Variants in EFHC2 observed in about 807,000 individuals in gnomAD.
The protein encoded by EFHC2 is EF-hand domain-containing family member C2.
Under a neutral mutation model 52.7 loss-of-function variants are expected in EFHC2, and 18 were observed. The observed-to-expected ratio is 0.34, with a 90% CI of 0.24 to 0.51. The LOEUF is 0.51. Among genes scored for constraint, EFHC2 ranks in the 20% least tolerant of loss-of-function variants. The pLI, the probability that EFHC2 is intolerant of heterozygous loss-of-function variation, is 0.97. For synonymous variants in EFHC2, 203 were observed against 204.1 expected (o/e 0.99, Z 0.04); for missense variants, 513 against 562.5 (o/e 0.91, Z 0.89).
chrX:44,239,413 T>C (rs2037344138), intron 8 of EFHC2, among the ~76,000 whole-genome samples: 1 of 112,437 alleles, frequency 8.9e-6, no homozygotes, highest in Admixed American at 9.4e-5. Flanking sequence ...CTAACTCTTA[T>C]GGAAGCAATA....
intron 2 of EFHC2, among the ~76,000 whole-genome samples, chrX:44,308,645 C>T (rs1481731684): frequency 9.0e-6 from 1 of 111,594 alleles, no homozygotes; most frequent in Non-Finnish European, 1.9e-5. Flanking sequence ...CTACCCAAGC[C>T]GCAGGATAAA....
chrX:44,212,329 G>A (rs1009532449), intron 11 of EFHC2, among the ~76,000 whole-genome samples: 2 of 111,982 alleles, frequency 1.8e-5, no homozygotes, highest in Non-Finnish European at 3.8e-5. Context: ...TTACCTCCAC[G>A]ATCTCCATCA....
At chrX:44,292,975 CTTTTT>C (rs370747140) in intron 2 of EFHC2, among the ~76,000 whole-genome samples, 2 of 94,223 alleles carry the variant, frequency 2.1e-5, no homozygotes, top group Admixed American at 2.4e-4. Context: ...TCCTTTCTTT[CTTTTT>C]TTTTTTTTTT....
chrX:44,182,149 A>G (rs182825644), intron 11 of EFHC2, among the ~76,000 whole-genome samples: 14 of 111,551 alleles, frequency 1.3e-4, no homozygotes, highest in Middle Eastern at 4.6e-3. Context: ...CAGCTTCTGG[A>G]TATTTTATAT....
At chrX:44,266,422 C>T (rs2037578592) in intron 3 of EFHC2, among the ~76,000 whole-genome samples, 1 of 106,669 alleles carries the variant, frequency 9.4e-6, no homozygotes, top group South Asian at 4.1e-4. Flanking sequence ...CTGCAACCTC[C>T]GTCTCCCAGG....
At chrX:44,177,950 T>C (rs1417536329) in intron 12 of EFHC2, among the ~76,000 whole-genome samples, 1 of 107,633 alleles carries the variant, frequency 9.3e-6, no homozygotes, top group African/African-American at 3.4e-5. Context: ...GGTGAAACCC[T>C]GTCTCTACTA....
At chrX:44,304,082 C>T (rs1433518061) in intron 2 of EFHC2, among the ~76,000 whole-genome samples, 4 of 111,914 alleles carry the variant, frequency 3.6e-5, no homozygotes, top group Non-Finnish European at 7.5e-5. Context: ...TCTAAATATT[C>T]CAACGTTTTA....
intron 2 of EFHC2, among the ~76,000 whole-genome samples, chrX:44,275,998 A>T (rs756355815): frequency 9.0e-6 from 1 of 110,621 alleles, no homozygotes; most frequent in Non-Finnish European, 1.9e-5. Flanking sequence ...TATAAATATC[A>T]TTTGGTGGGG....
In EFHC2 at chrX:44,261,239, T is replaced by C. The variant is rs745708788; in HGVS notation, c.442A>G (p.Thr148Ala). 2.5e-6 allele frequency: 3 copies of C among 1,207,079 alleles called. No homozygotes were observed. The East Asian group carries it at 8.9e-5, about 36-fold the overall frequency. Residue 148 changes from threonine (T) to alanine (A), a missense_variant, in exon 4 of 15, where the codon ACT becomes GCT. Coordinates refer to ENST00000420999, the MANE Select transcript of EFHC2 (RefSeq NM_025184.4). ...GTGCCGACATTAAAATGATACACAG[T>C]ATAAAACTGATCCTCATCAGGAGGC... is the stretch of plus-strand genomic sequence containing the variant. ...LPPPDEDQFYTVYHFNVGTEV... is the reference protein window; with the variant it reads ...LPPPDEDQFYAVYHFNVGTEV...
At chrX:44,235,703 T>A (rs945663888) in intron 8 of EFHC2, among the ~76,000 whole-genome samples, 26 of 112,590 alleles carry the variant, frequency 2.3e-4, no homozygotes, top group African/African-American at 7.4e-4. Flanking sequence ...ACAAACGTCA[T>A]AAACACACTG....
At chrX:44,286,630 C>T (rs1054678387) in intron 2 of EFHC2, among the ~76,000 whole-genome samples, 2 of 111,280 alleles carry the variant, frequency 1.8e-5, no homozygotes, top group Non-Finnish European at 3.8e-5. Context: ...AGTCACCCTC[C>T]TACTTGTCTT....
chrX:44,235,011 T>C (rs766111283), intron 9 of EFHC2, among the ~76,000 whole-genome samples: 9 of 111,271 alleles, frequency 8.1e-5, no homozygotes, highest in African/African-American at 2.6e-4. Context: ...AGCCCTTGGG[T>C]TCCACAGAGG....
At chrX:44,176,260 C>T in intron 13 of EFHC2, 32 bp downstream of exon 13, 1 of 1,091,288 alleles carries the variant, frequency 9.2e-7, no homozygotes, top group Non-Finnish European at 1.2e-6. Flanking sequence ...CTATGCAGGA[C>T]AATCCCTATC....
chrX:44,320,985 C>T (rs1203815733), intron 1 of EFHC2, among the ~76,000 whole-genome samples: 2 of 111,451 alleles, frequency 1.8e-5, no homozygotes, highest in Non-Finnish European at 3.8e-5. Flanking sequence ...TTGAGCAGGG[C>T]ATAGAAAGGA....
intron 11 of EFHC2, among the ~76,000 whole-genome samples, chrX:44,182,809 C>T (rs2036845488): frequency 9.0e-6 from 1 of 111,690 alleles, no homozygotes; most frequent in African/African-American, 3.3e-5. Flanking sequence ...ACATTCCTGG[C>T]ACTAATATTT....
chrX:44,261,664 T>G (rs1163757304), intron 3 of EFHC2, among the ~76,000 whole-genome samples: 2 of 105,577 alleles, frequency 1.9e-5, no homozygotes, highest in Non-Finnish European at 3.9e-5. Context: ...CCTGCTCACA[T>G]TCAGCCACCA....
chrX:44,162,884 C>G (rs1201962172), intron 14 of EFHC2, among the ~76,000 whole-genome samples: 2 of 111,675 alleles, frequency 1.8e-5, no homozygotes, highest in Middle Eastern at 4.2e-3. Flanking sequence ...GTGGGCCCCT[C>G]AAAGGTAGCA....
At position 44,248,840 on chromosome X, in the gene EFHC2, T is replaced by C. The variant is rs765249718; in HGVS notation, c.935A>G (p.Lys312Arg). The C allele has an allele frequency of 1.7e-6, 2 of 1,210,609 alleles. No homozygotes were observed. Among genetic ancestry groups the C allele is most frequent in the Non-Finnish European group, 2.2e-6 (2 of 894,924 alleles). Reference sequence around the variant, plus strand: ...GAACAGGTAGCCATCCGCTTGGTTCTTTATAAAGTCACCATATGAATTGAG... The same window carrying C: ...GAACAGGTAGCCATCCGCTTGGTTCCTTATAAAGTCACCATATGAATTGAG... ...AVLNSYGDFI[K>R]NQADGYLFDR... The change falls in exon 6 of 15, where the codon AAG becomes AGG. Residue 312 changes from lysine to arginine, a missense_variant. By Grantham distance (26) the Lys-to-Arg change is conservative. Coordinates refer to ENST00000420999, the MANE Select transcript of EFHC2 (RefSeq NM_025184.4).
intron 4 of EFHC2, among the ~76,000 whole-genome samples, chrX:44,259,085 A>G (rs374800711): frequency 8.1e-4 from 90 of 111,587 alleles, no homozygotes; most frequent in South Asian, 4.2e-3. Context: ...TCCTACTATA[A>G]AGACACATGC....
Sources: gnomAD v4.1 joint callset for allele counts (sites outside exome capture counted in the v4.1 genomes callset) on GRCh38, gnomAD v4.1.1 for gene constraint, MANE v1.5 for transcripts, NCBI Gene and HGNC (gene_info 2026-07-23, HGNC 2026-07-21) for gene names.